Variants in COL16A1 observed in about 807,000 individuals in gnomAD.
COL16A1 encodes collagen type XVI alpha 1 chain.
In COL16A1, 189 loss-of-function variants were observed where a neutral mutation model predicts 266.3. The ratio of observed to expected loss-of-function variants is 0.71; its 90% CI spans 0.63 to 0.80. The LOEUF is 0.80. Ranked by LOEUF, COL16A1 falls within the 30% of genes least tolerant of loss-of-function variation. The pLI is 0.00. For synonymous variants in COL16A1, 740 were observed against 782.3 expected, an observed-to-expected ratio of 0.95 and a Z score of 0.90; for missense variants, 1,928 against 2,122.4, an observed-to-expected ratio of 0.91 and a Z score of 1.80.
At chr1:31,654,323 G>A (rs969270964) in intron 68 of COL16A1, among the ~76,000 whole-genome samples, 3 of 152,178 alleles carry the variant, frequency 2.0e-5, no homozygotes, top group Admixed American at 1.3e-4. Flanking sequence ...AATAAAGTCC[G>A]CATTCCTTGC....
rs767631906 is a variant in COL16A1, at chr1:31,691,440, CA to C, written c.1374del (p.Ile460Ter). The C allele has an allele frequency of 6.2e-7, 1 of 1,612,750 alleles. No individual in the cohort carries two copies. ...EPGPPGLPGP[P>X]GIGLPGTPGD... ...ACCGGGGTCCCAGGCAGTCCTATCCCAGGGGGTCCAGGGAGGCCGGGGGGCC... is the reference window on the plus strand; with the variant it reads ...ACCGGGGTCCCAGGCAGTCCTATCCCGGGGGTCCAGGGAGGCCGGGGGGCC... On this transcript the variant is annotated frameshift_variant, in exon 19 of 71. Transcript: ENST00000373672. LOFTEE classifies it high-confidence loss of function.
intron 23 of COL16A1, 75 bp from the exon 24 acceptor site, chr1:31,689,160 G>A (rs911615871): frequency 5.0e-6 from 8 of 1,608,246 alleles, no homozygotes; most frequent in Non-Finnish European, 6.8e-6. Context: ...AATATGCGAG[G>A]ACAGCAATGT....
rs748560215 is a variant in COL16A1 at position 31,666,038 on chromosome 1, G to A, written c.3401C>T (p.Ala1134Val). ...CTCCCCATGCCCTCCTTCACTCACCGCTGGGCCTGGGGGGCCTGGGAGGCC... is the reference window on the plus strand; with the variant it reads ...CTCCCCATGCCCTCCTTCACTCACCACTGGGCCTGGGGGGCCTGGGAGGCC... Reference protein sequence around the residue: ...SEGLPGPPGPAGPRGERGPQG... With the variant: ...SEGLPGPPGPVGPRGERGPQG... The change falls in exon 53 of 71, where the codon GCG becomes GTG. Residue 1134 changes from alanine to valine, a missense_variant and splice_region_variant. By Grantham distance (64) the Ala-to-Val change is moderately conservative. This residue lies in a region of COL16A1 where 1,552 missense variants were observed against 1,637.2 expected (regional missense o/e 0.95). Coordinates refer to ENST00000373672, the MANE Select transcript of COL16A1 (RefSeq NM_001856.4). 14 of 1,613,820 alleles carry A rather than the reference G, an allele frequency of 8.7e-6. No individual in the cohort carries two copies. The highest frequency in any genetic ancestry group is 2.7e-5 in the African/African-American group (2 of 74,906).
At chr1:31,677,247 G>A (rs181973692) in intron 42 of COL16A1, among the ~76,000 whole-genome samples, 3 of 152,266 alleles carry the variant, frequency 2.0e-5, no homozygotes, top group Non-Finnish European at 4.4e-5. Flanking sequence ...CACAAAACCC[G>A]GTTAATTCTT....
At position 31,672,841 on chromosome 1, in the gene COL16A1, C is replaced by T; in HGVS notation, c.2860-1G>A. On this transcript the variant is annotated splice_acceptor_variant, in intron 44 of 70. Coordinates refer to ENST00000373672, the MANE Select transcript of COL16A1 (RefSeq NM_001856.4). LOFTEE classifies it high-confidence loss of function. ...CCTGGACACAGTCCCCGCAGATACTCTGATCAGGGAGTGGGGAGAGGAGTG... is the reference window on the plus strand; with the variant it reads ...CCTGGACACAGTCCCCGCAGATACTTTGATCAGGGAGTGGGGAGAGGAGTG... 1 of 1,613,712 alleles carries T rather than the reference C, an allele frequency of 6.2e-7. No individual in the cohort carries two copies. Among genetic ancestry groups the T allele is most frequent in the Non-Finnish European group, 8.5e-7 (1 of 1,179,770 alleles).
At chr1:31,679,928 G>T (rs1171157399) in intron 40 of COL16A1, 77 bp from the exon 41 acceptor site, 9 of 1,545,392 alleles carry the variant, frequency 5.8e-6, no homozygotes, top group South Asian at 1.2e-5. Flanking sequence ...GCTGCGTGGG[G>T]AGGCGGCTGG....
chr1:31,690,213 TACTC>T (rs1346113282), intron 22 of COL16A1, among the ~76,000 whole-genome samples, 150 bp downstream of exon 22: 2 of 152,228 alleles, frequency 1.3e-5, no homozygotes, highest in Non-Finnish European at 2.9e-5. Flanking sequence ...GTTCTTTATG[TACTC>T]ACTGCACATG....
At chr1:31,687,122 C>T (rs1644017218) in intron 26 of COL16A1, among the ~76,000 whole-genome samples, 1 of 152,198 alleles carries the variant, frequency 6.6e-6, no homozygotes, top group African/African-American at 2.4e-5. Flanking sequence ...TGGCTCACGC[C>T]TGTAATCCCA....
At chr1:31,674,240 C>G (rs529391556) in intron 44 of COL16A1, among the ~76,000 whole-genome samples, 2 of 152,234 alleles carry the variant, frequency 1.3e-5, no homozygotes, top group South Asian at 4.2e-4. Context: ...TGAGGGGGGG[C>G]TCTGGAGGCC....
Position 31,656,430 on chromosome 1 carries a change from C to T in COL16A1, c.4071G>A (p.Lys1357=). 1.2e-6 allele frequency: 2 copies of T among 1,613,344 alleles called. No individual in the cohort carries two copies. Among genetic ancestry groups the T allele is most frequent in the Non-Finnish European group, 1.7e-6 (2 of 1,179,794 alleles). The change falls in exon 66 of 71, where the codon AAG becomes AAA. Residue 1357 remains lysine (K), a synonymous_variant. Transcript: ENST00000373672. The surrounding 1 kb of genome is among the most constrained non-coding windows in gnomAD (Gnocchi z 4.2). ...GAAGKEGPPG[K]QGFYGPPGPK... is the part of the protein sequence containing the mutation. ...GACCAGGAGGTCCATAGAATCCCTG[C>T]TTTCCAGGGGGTCCCTAGAGGAAAG...
At chr1:31,692,534 G>A (rs1372469031) in intron 15 of COL16A1, 25 bp from the exon 16 acceptor site, 2 of 1,613,950 alleles carry the variant, frequency 1.2e-6, no homozygotes, top group Non-Finnish European at 1.7e-6. Flanking sequence ...GGAGACAGAG[G>A]AAGGGAGGGT....
In COL16A1 at chr1:31,697,809, T is replaced by C. The variant is rs1227317111; in HGVS notation, c.657+97A>G. 6 of 1,406,066 alleles carry C rather than the reference T, an allele frequency of 4.3e-6. No individual in the cohort carries two copies. Among genetic ancestry groups the C allele is most frequent in the Non-Finnish European group, 5.8e-6 (6 of 1,043,424 alleles). 87.1% of individuals were successfully genotyped at this position (1,406,066 alleles called of 1,614,324 possible). On this transcript the variant is annotated intron_variant, in intron 6 of 70. Coordinates refer to ENST00000373672, the MANE Select transcript of COL16A1 (RefSeq NM_001856.4). The surrounding 1 kb of genome is among the most constrained non-coding windows in gnomAD (Gnocchi z 4.2). ...GCAACAGGAAAGCAGGGGAAGATTC[T>C]AAGCAGGAGAAGGACTTGTTCCGAT...
At position 31,697,001 on chromosome 1, in the gene COL16A1, T is replaced by C. The variant is rs1570591876; in HGVS notation, c.826A>G (p.Thr276Ala). 1.2e-6 allele frequency: 2 copies of C among 1,614,078 alleles called. No homozygotes were observed. The highest frequency in any genetic ancestry group is 1.7e-6 in the Non-Finnish European group (2 of 1,180,018). Residue 276 changes from threonine (T) to alanine (A), a missense_variant, in exon 8 of 71, where the codon ACC (threonine) becomes GCC (alanine). Transcript: ENST00000373672. This position sits in a 1 kb window ranked among gnomAD's most constrained non-coding sequence, Gnocchi z 4.2. ...INPQSEGKVY[T>A]RCFCLEEPQN... ...GGCTCCTCCAGGCAGAAGCAGCGGG[T>C]GTAGACCTTGCCTTCAGACTGTGGA...
intron 55 of COL16A1, 156 bp from the exon 56 acceptor site, chr1:31,665,390 G>C: frequency 1.4e-6 from 2 of 1,416,056 alleles, no homozygotes; most frequent in Non-Finnish European, 1.9e-6. Context: ...TGGCCTGCTG[G>C]GCTGGGGCCC....
Position 31,698,278 on chromosome 1 carries a change from C to G in COL16A1, c.391-106G>C. The G allele has an allele frequency of 6.5e-7, 1 of 1,547,036 alleles. No homozygotes were observed. Among genetic ancestry groups the G allele is most frequent in the Non-Finnish European group, 8.7e-7 (1 of 1,150,134 alleles). ...TCATTTCACAGGAGGGGAACTGAGG[C>G]CCAGAAAGAGAAGAAAGCCGGCTGG... On this transcript the variant is annotated intron_variant, in intron 5 of 70. Transcript: ENST00000373672. The surrounding 1 kb of genome is among the most constrained non-coding windows in gnomAD (Gnocchi z 4.1).
rs1341547621 is a variant in COL16A1, at chr1:31,684,549, CCTG to C, written c.2131_2133del (p.Gln711del). 6.2e-7 allele frequency: 1 copy of C among 1,613,692 alleles called. No homozygotes were observed. Among genetic ancestry groups the C allele is most frequent in the Non-Finnish European group, 8.5e-7 (1 of 1,179,928 alleles). On this transcript the variant is annotated inframe_deletion, in exon 31 of 71. Coordinates refer to ENST00000373672, the MANE Select transcript of COL16A1 (RefSeq NM_001856.4). Reference sequence around the variant, plus strand: ...TTTTCTCCTTTTGGCCCCGCGGGGCCCTGAACTCCAGGCTCTCCTGACAGTCCT... The same window carrying C: ...TTTTCTCCTTTTGGCCCCGCGGGGCCAACTCCAGGCTCTCCTGACAGTCCT...
At position 31,697,837 on chromosome 1, in the gene COL16A1, G is replaced by A. The variant is rs116293627; in HGVS notation, c.657+69C>T. 4.4e-3 allele frequency: 6,692 copies of A among 1,507,804 alleles called. 19 individuals are homozygous for A. Among genetic ancestry groups the A allele is most frequent in the Middle Eastern group, 7.4e-3 (30 of 4,078 alleles). The allele number at this position is 1,507,804 out of a possible 1,614,324, so 93.4% of individuals were successfully genotyped here. A position where few individuals can be genotyped will look rare whatever the true frequency, so the allele number is the denominator to read the frequency against. ...GCAGGAGAAGGACTTGTTCCGATAC[G>A]GATTCCAGGAAGCCCACTCAGGTTC... On this transcript the variant is annotated intron_variant, in intron 6 of 70. Coordinates refer to ENST00000373672, the MANE Select transcript of COL16A1 (RefSeq NM_001856.4). The surrounding 1 kb of genome is among the most constrained non-coding windows in gnomAD (Gnocchi z 4.2).
rs925983562 is a variant in COL16A1, at chr1:31,662,622, C to G, written c.3592G>C (p.Gly1198Arg). Residue 1198 changes from glycine to arginine, a missense_variant, in exon 57 of 71, where the codon GGC becomes CGC. Transcript: ENST00000373672. ...EGIRGPSGLP[G>R]SPGPPGPPGI... ...GGAGGTCCCGGTGGCCCAGGGGAGC[C>G]AGGCAGGCCTGATGGGCCTCGAATC... The G allele has an allele frequency of 2.6e-6, 4 of 1,562,532 alleles. No homozygotes were observed. Among genetic ancestry groups the G allele is most frequent in the Non-Finnish European group, 3.5e-6 (4 of 1,154,026 alleles).
chr1:31,689,383 AG>A, intron 23 of COL16A1: 1 of 582,932 alleles, frequency 1.7e-6, no homozygotes, highest in African/African-American at 1.9e-5. Context: ...TCTGTGAGAG[AG>A]GGGGCTAACC....
Sources: allele counts gnomAD v4.1 joint callset (sites outside exome capture counted in the v4.1 genomes callset), GRCh38; gene constraint gnomAD v4.1.1; regional missense constraint gnomAD v4.1.1; non-coding constraint Gnocchi (gnomAD v3.1); transcripts MANE v1.5; gene names NCBI Gene and HGNC (gene_info 2026-07-23, HGNC 2026-07-21).